Variants in NFIB observed in about 807,000 individuals in gnomAD.
The protein encoded by NFIB is nuclear factor 1 B-type.
A neutral mutation model predicts 61.5 loss-of-function variants in NFIB; 11 were observed. That is an observed-to-expected ratio of 0.18 (90% CI 0.11 to 0.30). NFIB has a LOEUF of 0.30. NFIB is among the 10% of genes least tolerant of loss of function. The pLI is 1.00. For synonymous variants in NFIB, 260 were observed against 216.5 expected, an observed-to-expected ratio of 1.20 and a Z score of -1.76; for missense variants, 471 against 608.9, an observed-to-expected ratio of 0.77 and a Z score of 2.38.
chr9:14,208,419 T>A (rs993693882), intron 2 of NFIB, among the ~76,000 whole-genome samples: 7 of 152,210 alleles, frequency 4.6e-5, no homozygotes, highest in Non-Finnish European at 8.8e-5. Context: ...CGTCTACTTG[T>A]GGCAAAACAA....
intron 2 of NFIB, among the ~76,000 whole-genome samples, chr9:14,301,541 T>C (rs981646572): frequency 6.6e-6 from 1 of 152,172 alleles, no homozygotes; most frequent in Non-Finnish European, 1.5e-5. Flanking sequence ...AAAATCATAA[T>C]TGATGTAACA....
At position 14,227,374 on chromosome 9, in the gene NFIB, A is replaced by G. The variant is rs140509219; in HGVS notation, c.563-47594T>C. ...TTTCTAGGTCAGTATAGGGCATGAAATATTAGGAAGTACTCAAAACTATCT... is the reference window on the plus strand; with the variant it reads ...TTTCTAGGTCAGTATAGGGCATGAAGTATTAGGAAGTACTCAAAACTATCT... On this transcript the variant is annotated intron_variant, in intron 2 of 10. Coordinates refer to ENST00000380953, the MANE Select transcript of NFIB (RefSeq NM_001190737.2). Among the ~76,000 whole-genome samples the G allele has an allele frequency of 3.8e-3, 581 of 152,288 alleles. 5 individuals carry two copies. The highest frequency in any genetic ancestry group is 0.013 in the African/African-American group (556 of 41,562).
chr9:14,468,893 G>C, the NFIB span, among the ~76,000 whole-genome samples: 1 of 152,270 alleles, frequency 6.6e-6, no homozygotes, highest in Non-Finnish European at 1.5e-5. Context: ...CCACCATTTG[G>C]AATAAAAATA....
At chr9:14,362,133 G>A (rs1460350117) in intron 1 of NFIB, 1 of 152,164 alleles carries the variant, frequency 6.6e-6, no homozygotes, top group Non-Finnish European at 1.5e-5. Context: ...AAGTAGTTCT[G>A]TGGCTCCAAT....
At chr9:14,149,453 T>TA (rs1011168073) in intron 5 of NFIB, among the ~76,000 whole-genome samples, 5 of 150,448 alleles carry the variant, frequency 3.3e-5, no homozygotes, top group South Asian at 2.1e-4. Context: ...CTAGCTCAAA[T>TA]AAAAAAAAAT....
upstream of NFIB, among the ~76,000 whole-genome samples, chr9:14,401,684 G>A (rs1003241518): frequency 2.0e-5 from 3 of 152,144 alleles, no homozygotes; most frequent in African/African-American, 4.8e-5. Context: ...AGTTTTAATT[G>A]GAAATAAGCA....
the NFIB span, among the ~76,000 whole-genome samples, chr9:14,433,246 C>A: frequency 6.6e-6 from 1 of 152,096 alleles, no homozygotes. Context: ...CAATACAAAC[C>A]CCAGTCTTTT....
chr9:14,454,312 T>G, the NFIB span, among the ~76,000 whole-genome samples: 1 of 152,228 alleles, frequency 6.6e-6, no homozygotes. Flanking sequence ...CTGAGAAGAT[T>G]ATGTTGCTAT....
At chr9:14,404,343 G>C in the NFIB span, among the ~76,000 whole-genome samples, 1 of 152,076 alleles carries the variant, frequency 6.6e-6, no homozygotes, top group Admixed American at 6.6e-5. Context: ...CACTATTCTT[G>C]GCAGTGGGAT....
At chr9:14,363,548 C>T (rs1271223320) in intron 1 of NFIB, among the ~76,000 whole-genome samples, 1 of 151,068 alleles carries the variant, frequency 6.6e-6, no homozygotes, top group African/African-American at 2.4e-5. Context: ...GCCATAGAAA[C>T]ATTTATTTTT....
intron 2 of NFIB, among the ~76,000 whole-genome samples, chr9:14,258,663 T>C (rs1301549300): frequency 6.6e-6 from 1 of 152,216 alleles, no homozygotes; most frequent in Non-Finnish European, 1.5e-5. Flanking sequence ...TGAGAAATAA[T>C]CCCATTATTT....
intron 6 of NFIB, among the ~76,000 whole-genome samples, chr9:14,134,303 T>G (rs1315604196): frequency 6.6e-6 from 1 of 152,142 alleles, no homozygotes; most frequent in African/African-American, 2.4e-5. Flanking sequence ...GCCTTAGAAA[T>G]GGACATAAGA....
At chr9:14,442,454 C>T in the NFIB span, among the ~76,000 whole-genome samples, 3 of 152,254 alleles carry the variant, frequency 2.0e-5, no homozygotes, top group East Asian at 1.9e-4. Flanking sequence ...CCGCTAGGGC[C>T]GCCATAACAA....
chr9:14,232,871 T>C (rs898428717), intron 2 of NFIB, among the ~76,000 whole-genome samples: 2 of 152,202 alleles, frequency 1.3e-5, no homozygotes, highest in African/African-American at 4.8e-5. Context: ...TAGTCTATAA[T>C]CAAAGAAATC....
chr9:14,142,863 G>C (rs1252344319), intron 6 of NFIB, among the ~76,000 whole-genome samples: 1 of 152,136 alleles, frequency 6.6e-6, no homozygotes, highest in Non-Finnish European at 1.5e-5. Context: ...AAGAGACTAA[G>C]CAAGGAGAAA....
At chr9:14,389,558 C>T (rs2061594836) in intron 1 of NFIB, among the ~76,000 whole-genome samples, 1 of 152,020 alleles carries the variant, frequency 6.6e-6, no homozygotes, top group Admixed American at 6.6e-5. Flanking sequence ...TAACTTGGAC[C>T]AGAATTTTGA....
chr9:14,519,279 G>C, the NFIB span, among the ~76,000 whole-genome samples: 1 of 152,186 alleles, frequency 6.6e-6, no homozygotes, highest in Non-Finnish European at 1.5e-5. Context: ...GAAGTTGAGA[G>C]AGGAAATATA....
intron 2 of NFIB, among the ~76,000 whole-genome samples, chr9:14,284,147 T>A (rs1403881622): frequency 6.6e-6 from 1 of 152,204 alleles, no homozygotes; most frequent in Non-Finnish European, 1.5e-5. Context: ...CCTCAATTTC[T>A]TTATCTATTA....
chr9:14,466,374 C>A, the NFIB span, among the ~76,000 whole-genome samples: 1 of 152,160 alleles, frequency 6.6e-6, no homozygotes, highest in Admixed American at 6.5e-5. Flanking sequence ...CTGGGCTGCT[C>A]TGACAGCACA....
Sources: allele counts gnomAD v4.1 joint callset (sites outside exome capture counted in the v4.1 genomes callset), GRCh38; gene constraint gnomAD v4.1.1; transcripts MANE v1.5; gene names NCBI Gene and HGNC (gene_info 2026-07-23, HGNC 2026-07-21).